Variants in GPC5 observed in about 807,000 individuals in gnomAD.
GPC5 encodes glypican 5, also known as glypican-5.
In GPC5, 47 loss-of-function variants were observed where a neutral mutation model predicts 53.9. The ratio of observed to expected loss-of-function variants is 0.87; its 90% CI spans 0.69 to 1.11. GPC5 has a LOEUF of 1.11. GPC5 is among the 50% of genes most tolerant of loss of function. The pLI is 0.00. For synonymous variants in GPC5, 286 were observed against 263.3 expected (o/e 1.09, Z -0.84); for missense variants, 748 against 713.1 (o/e 1.05, Z -0.56).
intron 2 of GPC5, among the ~76,000 whole-genome samples, chr13:91,638,926 A>G (rs1009330317): frequency 2.0e-5 from 3 of 152,150 alleles, no homozygotes; most frequent in Admixed American, 6.6e-5. Flanking sequence ...CTGAATTTGA[A>G]CTCTTTTCTT....
In GPC5 at chr13:91,987,955, A is replaced by G. The variant is rs1208082430; in HGVS notation, c.1401+79898A>G. Among the ~76,000 whole-genome samples the G allele has an allele frequency of 2.7e-5, 4 of 146,054 alleles. No individual in the cohort carries two copies. In the East Asian group the frequency reaches 5.9e-4, roughly 21 times the overall value. On this transcript the variant is annotated intron_variant, in intron 6 of 7. Coordinates refer to ENST00000377067, the MANE Select transcript of GPC5 (RefSeq NM_004466.6). ...TACTATACATTATAGTAATTATTAT[A>G]GTAAATATATAATATAGTAATAGTT...
At chr13:92,540,118 A>G (rs1266846306) in intron 7 of GPC5, among the ~76,000 whole-genome samples, 1 of 152,008 alleles carries the variant, frequency 6.6e-6, no homozygotes, top group African/African-American at 2.4e-5. Flanking sequence ...GATTTGCAAA[A>G]TAACAATATA....
chr13:91,829,968 A>G (rs1200977613), intron 5 of GPC5, among the ~76,000 whole-genome samples: 1 of 152,090 alleles, frequency 6.6e-6, no homozygotes, highest in Non-Finnish European at 1.5e-5. Context: ...ATGAAGTTTC[A>G]GGCACCATTG....
At chr13:91,522,493 A>AT (rs1885874539) in intron 2 of GPC5, among the ~76,000 whole-genome samples, 1 of 151,818 alleles carries the variant, frequency 6.6e-6, no homozygotes, top group Non-Finnish European at 1.5e-5. Context: ...TTTTATTTTT[A>AT]TTTTTTCTGT....
At chr13:92,057,728 T>A (rs1484571140) in intron 6 of GPC5, among the ~76,000 whole-genome samples, 1 of 152,146 alleles carries the variant, frequency 6.6e-6, no homozygotes, top group African/African-American at 2.4e-5. Flanking sequence ...GATGGTATAA[T>A]GGTTTGAATT....
intron 4 of GPC5, among the ~76,000 whole-genome samples, chr13:91,745,008 G>A (rs2037017240): frequency 6.6e-6 from 1 of 152,070 alleles, no homozygotes; most frequent in South Asian, 2.1e-4. Context: ...TTTTGTGATA[G>A]ATGACCAATT....
At chr13:91,639,527 T>A (rs2034367292) in intron 2 of GPC5, among the ~76,000 whole-genome samples, 1 of 152,206 alleles carries the variant, frequency 6.6e-6, no homozygotes, top group Admixed American at 6.5e-5. Flanking sequence ...TACTTCCTTG[T>A]TGCTCTAAAT....
At chr13:91,566,759 A>G (rs2031549468) in intron 2 of GPC5, among the ~76,000 whole-genome samples, 1 of 152,266 alleles carries the variant, frequency 6.6e-6, no homozygotes, top group East Asian at 1.9e-4. Context: ...ACTTTAGTAA[A>G]AGGAAAAGCA....
intron 6 of GPC5, among the ~76,000 whole-genome samples, chr13:91,949,835 G>A (rs1360913647): frequency 6.6e-6 from 1 of 151,968 alleles, no homozygotes; most frequent in East Asian, 1.9e-4. Context: ...AAAAATTCTT[G>A]TATTATTCTA....
chr13:92,617,331 G>A (rs1884725329), intron 7 of GPC5, among the ~76,000 whole-genome samples: 1 of 152,078 alleles, frequency 6.6e-6, no homozygotes, highest in African/African-American at 2.4e-5. Context: ...CAACAATCCA[G>A]CATTCAGTTC....
At chr13:92,799,948 A>T (rs1347535107) in intron 7 of GPC5, among the ~76,000 whole-genome samples, 1 of 151,876 alleles carries the variant, frequency 6.6e-6, no homozygotes, top group Non-Finnish European at 1.5e-5. Context: ...ATTTAAGAAT[A>T]TTCCTGTGAA....
At chr13:91,850,520 G>A (rs148153916) in intron 5 of GPC5, among the ~76,000 whole-genome samples, 34 of 152,218 alleles carry the variant, frequency 2.2e-4, no homozygotes, top group African/African-American at 8.2e-4. Flanking sequence ...TCCTATACTA[G>A]TTGAAAAGAA....
chr13:92,042,968 A>T (rs1289086167), intron 6 of GPC5, among the ~76,000 whole-genome samples: 1 of 152,218 alleles, frequency 6.6e-6, no homozygotes, highest in Non-Finnish European at 1.5e-5. Context: ...TACAATAAAC[A>T]GATATGAAAA....
intron 1 of GPC5, among the ~76,000 whole-genome samples, chr13:91,423,586 G>C (rs1020752239): frequency 6.6e-6 from 1 of 152,064 alleles, no homozygotes; most frequent in Non-Finnish European, 1.5e-5. Flanking sequence ...GGGGTGTGGG[G>C]TGTGAATGTG....
intron 7 of GPC5, among the ~76,000 whole-genome samples, chr13:92,269,521 T>G (rs947605208): frequency 3.3e-5 from 5 of 152,118 alleles, no homozygotes; most frequent in African/African-American, 1.2e-4. Context: ...TTCTCCTGCC[T>G]CAGCCTCCCA....
At chr13:91,929,965 T>TA (rs1340421262) in intron 6 of GPC5, among the ~76,000 whole-genome samples, 2 of 152,088 alleles carry the variant, frequency 1.3e-5, no homozygotes, top group Admixed American at 6.6e-5. Flanking sequence ...TAAATGCTGT[T>TA]ATGTAAGAAC....
At chr13:91,422,301 G>A (rs1878693491) in intron 1 of GPC5, among the ~76,000 whole-genome samples, 1 of 152,168 alleles carries the variant, frequency 6.6e-6, no homozygotes, top group Admixed American at 6.5e-5. Context: ...TCTGCTTTCT[G>A]TTGCTATAAC....
intron 7 of GPC5, among the ~76,000 whole-genome samples, chr13:92,508,644 A>G (rs1051882908): frequency 2.0e-5 from 3 of 152,178 alleles, no homozygotes; most frequent in African/African-American, 7.2e-5. Flanking sequence ...CTTAAAAACT[A>G]TGCTTTATAG....
Position 92,253,277 on chromosome 13 carries a change from A to G in GPC5, c.1561+108288A>G, listed in dbSNP as rs563049293. Among the ~76,000 whole-genome samples, 119 of 152,236 alleles carry G rather than the reference A, an allele frequency of 7.8e-4. 1 individual carries two copies. The highest frequency in any genetic ancestry group is 2.5e-3 in the African/African-American group (103 of 41,558). On this transcript the variant is annotated intron_variant, in intron 7 of 7. Transcript: ENST00000377067. The stretch of plus-strand genomic sequence containing the variant: ...ACTAGACAACTGTGGACTGGGAAAG[A>G]TATTAATGGGTGATGAGAAGTCTCT...
Sources: allele counts gnomAD v4.1 joint callset (sites outside exome capture counted in the v4.1 genomes callset), GRCh38; gene constraint gnomAD v4.1.1; transcripts MANE v1.5; gene names NCBI Gene and HGNC (gene_info 2026-07-23, HGNC 2026-07-21).